Variants in WWTR1 observed in about 807,000 individuals in gnomAD.
The protein encoded by WWTR1 is WW domain-containing transcription regulator protein 1.
Under a neutral mutation model 40.1 loss-of-function variants are expected in WWTR1, and 13 were observed. The observed-to-expected ratio is 0.32, with a 90% CI of 0.21 to 0.52. The LOEUF is 0.52. Ranked by LOEUF, WWTR1 falls within the 20% of genes least tolerant of loss-of-function variation. The pLI, the probability that WWTR1 is intolerant of heterozygous loss-of-function variation, is 0.97. For synonymous variants in WWTR1, 230 were observed against 210.1 expected (o/e 1.09, Z -0.82); for missense variants, 436 against 523.1 (o/e 0.83, Z 1.63).
chr3:149,668,613 A>AAAAAAAAAAC lies in WWTR1; in HGVS notation c.-4+1174_-4+1175insGTTTTTTTTT, dbSNP rs548038608. Among the ~76,000 whole-genome samples the AAAAAAAAAAC allele has an allele frequency of 3.3e-4, 49 of 147,584 alleles. 1 individual carries two copies. Among genetic ancestry groups the AAAAAAAAAAC allele is most frequent in the Admixed American group, 5.5e-4 (8 of 14,458 alleles). ...ACAGAGCAAGATTGTGTCTCAAAAA[A>AAAAAAAAAAC]AACAACAAAAAACTGAGTCTTCATT... On this transcript the variant is annotated intron_variant, in intron 2 of 7. Transcript: ENST00000465804.
At chr3:149,601,573 G>C (rs1299635802) in intron 2 of WWTR1, among the ~76,000 whole-genome samples, 3 of 152,044 alleles carry the variant, frequency 2.0e-5, no homozygotes, top group African/African-American at 7.2e-5. Context: ...GAAACTACAA[G>C]GTCAATCCCC....
chr3:149,542,570 C>A, intron 3 of WWTR1, 33 bp from the exon 4 acceptor site: 1 of 1,575,518 alleles, frequency 6.3e-7, no homozygotes, highest in African/African-American at 1.4e-5. Context: ...GATTAATGAC[C>A]AGGGCCCACA....
rs113148059 is a variant in WWTR1, at chr3:149,608,551, A to G, written c.432-35551T>C. On this transcript the variant is annotated intron_variant, in intron 2 of 6. Transcript: ENST00000360632. The stretch of plus-strand genomic sequence containing the variant: ...CAGGCATGTGCCACCACGCCTGGCT[A>G]ATTTTTTTGTATTTTTAGTAGAGAT... Among the ~76,000 whole-genome samples, 245 of 152,012 alleles carry G rather than the reference A, an allele frequency of 1.6e-3. 1 individual carries two copies. The highest frequency in any genetic ancestry group is 5.1e-3 in the African/African-American group (211 of 41,458).
At chr3:149,572,737 T>G (rs1238652856) in intron 3 of WWTR1, 127 bp downstream of exon 3, 5 of 1,159,838 alleles carry the variant, frequency 4.3e-6, no homozygotes, top group African/African-American at 3.1e-5. Context: ...ATCGCAGCAC[T>G]TTGGGAGACT....
At chr3:149,685,499 T>C (rs912233660) in intron 1 of WWTR1, among the ~76,000 whole-genome samples, 1 of 152,224 alleles carries the variant, frequency 6.6e-6, no homozygotes, top group Non-Finnish European at 1.5e-5. Flanking sequence ...GATACTCCTG[T>C]ATCCTTCCTT....
At chr3:149,688,590 C>T (rs1334761187) in intron 1 of WWTR1, among the ~76,000 whole-genome samples, 1 of 152,192 alleles carries the variant, frequency 6.6e-6, no homozygotes, top group African/African-American at 2.4e-5. Context: ...CCTCCTAATG[C>T]ATATATGGCT....
chr3:149,620,429 G>C (rs1429733220), intron 2 of WWTR1, among the ~76,000 whole-genome samples: 1 of 152,076 alleles, frequency 6.6e-6, no homozygotes, highest in Non-Finnish European at 1.5e-5. Context: ...TGACCACAGA[G>C]CTTAGCTGGA....
At chr3:149,669,536 AG>A (rs1713983812) in intron 2 of WWTR1, among the ~76,000 whole-genome samples, 1 of 152,230 alleles carries the variant, frequency 6.6e-6, no homozygotes, top group African/African-American at 2.4e-5. Context: ...GGGAGGGAAA[AG>A]GAAAGGAAAC....
intron 1 of WWTR1, chr3:149,701,539 C>T (rs1029426237): frequency 2.8e-5 from 5 of 181,346 alleles, no homozygotes; most frequent in African/African-American, 1.2e-4. Flanking sequence ...AGTGTCTGGT[C>T]TGTTTTCTAA....
intron 4 of WWTR1, among the ~76,000 whole-genome samples, chr3:149,538,442 C>T (rs1029297475): frequency 1.3e-5 from 2 of 152,130 alleles, no homozygotes; most frequent in Non-Finnish European, 2.9e-5. Flanking sequence ...GAAATGCACT[C>T]TTTATGTCTT....
chr3:149,699,593 A>C (rs908905318), intron 1 of WWTR1, among the ~76,000 whole-genome samples: 1 of 152,100 alleles, frequency 6.6e-6, no homozygotes, highest in African/African-American at 2.4e-5. Flanking sequence ...GTGCTCAGCC[A>C]GTCATCACTC....
intron 2 of WWTR1, among the ~76,000 whole-genome samples, chr3:149,587,994 T>C (rs565649631): frequency 9.0e-4 from 137 of 152,268 alleles, no homozygotes; most frequent in African/African-American, 3.1e-3. Context: ...ATCCAGTAAG[T>C]CCATTTGCAC....
intron 2 of WWTR1, among the ~76,000 whole-genome samples, chr3:149,666,325 G>T (rs959771856): frequency 2.6e-5 from 4 of 152,196 alleles, no homozygotes; most frequent in Non-Finnish European, 5.9e-5. Flanking sequence ...CCAAAACAAG[G>T]TGGAGAGAGG....
intron 5 of WWTR1, among the ~76,000 whole-genome samples, chr3:149,715,397 C>T (rs1469352071): frequency 2.6e-5 from 4 of 152,214 alleles, no homozygotes; most frequent in African/African-American, 4.8e-5. Context: ...TTGCAGTGTG[C>T]CTGGTCCAGC....
intron 6 of WWTR1, among the ~76,000 whole-genome samples, chr3:149,521,683 C>T (rs939974921): frequency 6.6e-6 from 1 of 152,176 alleles, no homozygotes; most frequent in Non-Finnish European, 1.5e-5. Context: ...TGAAGTTCTA[C>T]AGAACACAGG....
At chr3:149,676,452 T>C (rs1576636728) in intron 1 of WWTR1, among the ~76,000 whole-genome samples, 1 of 24,320 alleles carries the variant, frequency 4.1e-5, no homozygotes, top group South Asian at 1.1e-3. Context: ...ATTCTTTGTG[T>C]TTTTTTTGCG....
chr3:149,664,588 T>A (rs1460850501), intron 2 of WWTR1, among the ~76,000 whole-genome samples: 1 of 151,424 alleles, frequency 6.6e-6, no homozygotes, highest in African/African-American at 2.4e-5. Context: ...GAAGGCACTA[T>A]CTTTTTTTTT....
At chr3:149,601,340 C>T (rs1739233042) in intron 2 of WWTR1, among the ~76,000 whole-genome samples, 1 of 151,964 alleles carries the variant, frequency 6.6e-6, no homozygotes, top group African/African-American at 2.4e-5. Flanking sequence ...ACAGGTGACA[C>T]AGGTGAGCCC....
At chr3:149,683,595 G>A (rs1444975100) in intron 1 of WWTR1, among the ~76,000 whole-genome samples, 3 of 152,232 alleles carry the variant, frequency 2.0e-5, no homozygotes, top group Non-Finnish European at 2.9e-5. Context: ...TCAGGAGGCT[G>A]AGGCAGGAGA....
Sources: allele counts gnomAD v4.1 joint callset (sites outside exome capture counted in the v4.1 genomes callset), GRCh38; gene constraint gnomAD v4.1.1; transcripts MANE v1.5; gene names NCBI Gene and HGNC (gene_info 2026-07-23, HGNC 2026-07-21).